The following SENP5 variants were observed in gnomAD, a reference collection of about 807,000 sequenced individuals.
SENP5 encodes sentrin-specific protease 5.
In SENP5, 21 loss-of-function variants were observed where a neutral mutation model predicts 74.2. The ratio of observed to expected loss-of-function variants is 0.28; its 90% CI spans 0.20 to 0.41. SENP5 has a LOEUF of 0.41. Ranked by LOEUF, SENP5 falls within the 10% of genes least tolerant of loss-of-function variation. The pLI is 1.00. For synonymous variants in SENP5, 311 were observed against 312.7 expected, an observed-to-expected ratio of 0.99 and a Z score of 0.06; for missense variants, 717 against 889.1, an observed-to-expected ratio of 0.81 and a Z score of 2.46.
rs761764177 is a variant in SENP5 at position 196,886,464 on chromosome 3, C to T, written c.1283C>T (p.Pro428Leu). 1.2e-5 allele frequency: 19 copies of T among 1,610,356 alleles called. No homozygotes were observed. The highest frequency in any genetic ancestry group is 1.6e-5 in the Non-Finnish European group (19 of 1,178,106). Residue 428 changes from proline (P) to leucine (L), a missense_variant, in exon 2 of 10, where the codon CCT becomes CTT. Physicochemically the swap from Pro to Leu is moderately conservative, Grantham distance 98. Around this residue, in one of 4 missense-constraint regions of SENP5, gnomAD observed 567 missense variants for 577.4 expected, o/e 0.98. Coordinates refer to ENST00000323460, the MANE Select transcript of SENP5 (RefSeq NM_152699.5). ...ADTSVSSVDG[P>L]VSQKAVQNEN... The stretch of plus-strand genomic sequence containing the variant: ...ACATCTGTGAGTAGCGTAGATGGGC[C>T]TGTGTCCCAAAAGGCTGTTCAAAAT...
intron 2 of SENP5, among the ~76,000 whole-genome samples, chr3:196,894,418 C>A (rs941577406): frequency 4.6e-5 from 7 of 151,816 alleles, no homozygotes; most frequent in African/African-American, 9.7e-5. Flanking sequence ...CTACTGCCCC[C>A]GGCCTAATGT....
At chr3:196,914,142 T>C (rs1330809503) in intron 6 of SENP5, 1 of 152,170 alleles carries the variant, frequency 6.6e-6, no homozygotes, top group Non-Finnish European at 1.5e-5. Context: ...CAGTGATCTT[T>C]TTCTGAAAGA....
chr3:196,899,850 A>G, intron 3 of SENP5, 74 bp from the exon 4 acceptor site: 7 of 1,577,816 alleles, frequency 4.4e-6, no homozygotes, highest in Non-Finnish European at 5.2e-6. Context: ...TTTACAGAAG[A>G]AAAGATATTT....
At chr3:196,915,878 GA>G (rs1219929757) in intron 6 of SENP5, among the ~76,000 whole-genome samples, 1 of 152,208 alleles carries the variant, frequency 6.6e-6, no homozygotes, top group Non-Finnish European at 1.5e-5. Flanking sequence ...CGGCTGCAGT[GA>G]CCAAAGACTT....
intron 6 of SENP5, among the ~76,000 whole-genome samples, chr3:196,910,573 C>G (rs927627646): frequency 6.6e-6 from 1 of 151,730 alleles, no homozygotes; most frequent in East Asian, 1.9e-4. Context: ...GTCTCGATGT[C>G]CTGACCTCGT....
At chr3:196,904,661 C>T (rs374099523) in intron 6 of SENP5, among the ~76,000 whole-genome samples, 7 of 152,050 alleles carry the variant, frequency 4.6e-5, no homozygotes, top group African/African-American at 9.6e-5. Context: ...TGATGGTGGG[C>T]GCCTGTAACC....
chr3:196,904,144 G>A (rs141550778), intron 6 of SENP5, among the ~76,000 whole-genome samples: 1 of 152,314 alleles, frequency 6.6e-6, no homozygotes, highest in Non-Finnish European at 1.5e-5. Context: ...TATGTATGAT[G>A]TACTCTAGTC....
At chr3:196,868,097 A>T (rs1476816866) in intron 1 of SENP5, 24 bp downstream of exon 1, 2 of 152,224 alleles carry the variant, frequency 1.3e-5, no homozygotes, top group Non-Finnish European at 2.9e-5. Context: ...CGGGCAGACG[A>T]GTGACGGACT....
chr3:196,934,121 T>G lies in SENP5; in HGVS notation c.*3198T>G, dbSNP rs1716154428. On this transcript the variant is annotated 3_prime_UTR_variant, in exon 10 of 10. Coordinates refer to ENST00000323460, the MANE Select transcript of SENP5 (RefSeq NM_152699.5). ...TCAAGAATCCTAATCAACTTTCAGTTAGCCTCTTAAGAAAGGGAAAAAAAG... is the reference window on the plus strand; with the variant it reads ...TCAAGAATCCTAATCAACTTTCAGTGAGCCTCTTAAGAAAGGGAAAAAAAG... 1 of 152,200 alleles carries G rather than the reference T, an allele frequency of 6.6e-6. No homozygotes were observed. The highest frequency in any genetic ancestry group is 2.1e-4 in the South Asian group (1 of 4,830). 9.4% of individuals were successfully genotyped at this position (152,200 alleles called of 1,614,324 possible).
chr3:196,927,770 CTG>C (rs1209515577), intron 7 of SENP5, 24 bp from the exon 8 acceptor site: 1 of 1,365,228 alleles, frequency 7.3e-7, no homozygotes, highest in Non-Finnish European at 1.0e-6. Context: ...AACACAGCAT[CTG>C]TGTTGTGGTT....
rs1207323998 is a variant in SENP5, at chr3:196,886,374, G to A, written c.1193G>A (p.Gly398Asp). 6.2e-7 allele frequency: 1 copy of A among 1,613,004 alleles called. No individual in the cohort carries two copies. The highest frequency in any genetic ancestry group is 8.5e-7 in the Non-Finnish European group (1 of 1,179,582). Residue 398 changes from glycine to aspartate, a missense_variant, in exon 2 of 10, where the codon GGT (glycine) becomes GAT (aspartate). Coordinates refer to ENST00000323460, the MANE Select transcript of SENP5 (RefSeq NM_152699.5). ...SETEREIMTLGQENQTSSVSD... is the reference protein window; with the variant it reads ...SETEREIMTLDQENQTSSVSD... ...ACTGAAAGAGAAATTATGACTCTGGGTCAGGAAAATCAGACAAGTTCTGTC... is the reference window on the plus strand; with the variant it reads ...ACTGAAAGAGAAATTATGACTCTGGATCAGGAAAATCAGACAAGTTCTGTC...
chr3:196,911,258 A>G (rs1467795444), intron 6 of SENP5, among the ~76,000 whole-genome samples: 1 of 152,240 alleles, frequency 6.6e-6, no homozygotes, highest in Non-Finnish European at 1.5e-5. Flanking sequence ...AGAAACTATC[A>G]TCAGAGTGAA....
intron 2 of SENP5, among the ~76,000 whole-genome samples, chr3:196,889,056 C>CATTG (rs1162719580): frequency 6.6e-6 from 1 of 151,982 alleles, no homozygotes; most frequent in African/African-American, 2.4e-5. Context: ...GCGGAGCTTG[C>CATTG]ATTGAGCTGA....
intron 1 of SENP5, among the ~76,000 whole-genome samples, chr3:196,883,694 CT>C (rs34072058): frequency 8.1e-5 from 12 of 148,902 alleles, no homozygotes; most frequent in African/African-American, 9.8e-5. Context: ...ATAGCTGCTG[CT>C]TTTTTTTTTG....
chr3:196,880,638 CTTTTTTTTTTT>C lies in SENP5; in HGVS notation c.-31-4503_-31-4493del, dbSNP rs56188124. On this transcript the variant is annotated intron_variant, in intron 1 of 9. Coordinates refer to ENST00000323460, the MANE Select transcript of SENP5 (RefSeq NM_152699.5). Reference sequence around the variant, plus strand: ...GATTGAAGAGTATTAGCCAGTTATTCTTTTTTTTTTTTTTTTTTTTGAGACGGAGTTTTGCT... The same window carrying C: ...GATTGAAGAGTATTAGCCAGTTATTCTTTTTTTTTGAGACGGAGTTTTGCT... Among the ~76,000 whole-genome samples, 22 of 101,964 alleles carry C rather than the reference CTTTTTTTTTTT, an allele frequency of 2.2e-4. 1 individual carries two copies. The highest frequency in any genetic ancestry group is 8.5e-4 in the African/African-American group (22 of 25,854). The allele number at this position is 101,964 out of a possible 152,430, so 66.9% of individuals were successfully genotyped here. A position where few individuals can be genotyped will look rare whatever the true frequency, so the allele number is the denominator to read the frequency against.
rs11304524 is a variant in SENP5, at chr3:196,925,167, GTT to G, written c.2022+1626_2022+1627del. On this transcript the variant is annotated intron_variant, in intron 7 of 9. Transcript: ENST00000323460. ...TAAAGAGGATTTGGCCTCATTTTGC[GTT>G]TTTTTTTTTACAAGGAGAATATTTT... 1.6e-4 allele frequency among the ~76,000 whole-genome samples: 24 copies of G among 146,760 alleles called. No individual in the cohort carries two copies. In the South Asian group the frequency reaches 4.1e-3, roughly 25 times the overall value.
At chr3:196,918,169 C>T (rs141373823) in intron 6 of SENP5, among the ~76,000 whole-genome samples, 4,466 of 151,642 alleles carry the variant, frequency 0.029, 102 homozygotes, top group Non-Finnish European at 0.05. Context: ...TAGCCGGGCG[C>T]GGTGGCGGGC....
At position 196,933,969 on chromosome 3, in the gene SENP5, C is replaced by CAA. The variant is rs1269228430; in HGVS notation, c.*3047_*3048dup. ...CTAAGCGCTACTTTTGACGAGCCTT[C>CAA]AACAAGCTGCCCAGTCCTCTCCTCA... On this transcript the variant is annotated 3_prime_UTR_variant, in exon 10 of 10. Transcript: ENST00000323460. The CAA allele has an allele frequency of 6.6e-6, 1 of 152,162 alleles. No individual in the cohort carries two copies. Among genetic ancestry groups the CAA allele is most frequent in the Non-Finnish European group, 1.5e-5 (1 of 68,066 alleles). 9.4% of individuals were successfully genotyped at this position (152,162 alleles called of 1,614,324 possible).
intron 2 of SENP5, among the ~76,000 whole-genome samples, chr3:196,886,985 T>C (rs990694825): frequency 1.3e-5 from 2 of 152,218 alleles, no homozygotes; most frequent in Non-Finnish European, 2.9e-5. Context: ...GAATTGATGG[T>C]GAAGGAATAT....
Sources: allele counts gnomAD v4.1 joint callset (sites outside exome capture counted in the v4.1 genomes callset), GRCh38; gene constraint gnomAD v4.1.1; regional missense constraint gnomAD v4.1.1; transcripts MANE v1.5; gene names NCBI Gene and HGNC (gene_info 2026-07-23, HGNC 2026-07-21).